Variants in LRBA observed in about 807,000 individuals in gnomAD.
LRBA encodes lipopolysaccharide-responsive and beige-like anchor protein.
LRBA carries 176 observed loss-of-function variants against 330.0 expected under a neutral mutation model. That is an observed-to-expected ratio of 0.53 (90% confidence interval 0.47 to 0.60). The LOEUF (loss-of-function observed/expected upper bound fraction) is 0.60, where lower values mean the gene tolerates loss of function less well. Among genes scored for constraint, LRBA ranks in the 20% least tolerant of loss-of-function variants. The probability of loss-of-function intolerance (pLI) is 0.00; values close to 1 mark genes in which losing one functional copy is unlikely to be tolerated. For missense variants in LRBA, 3,259 were observed against 3,444.8 expected (o/e 0.95, Z 1.35); for synonymous variants, 1,230 against 1,193.0 (o/e 1.03, Z -0.64).
chr4:150,934,988 A>G (rs1734934530), intron 2 of LRBA, among the ~76,000 whole-genome samples: 2 of 146,828 alleles, frequency 1.4e-5, no homozygotes, highest in Admixed American at 7.0e-5. Flanking sequence ...AGCCTGGGCA[A>G]CAAGAGTAAA....
At chr4:150,478,901 A>T (rs1292334433) in intron 42 of LRBA, among the ~76,000 whole-genome samples, 1 of 152,132 alleles carries the variant, frequency 6.6e-6, no homozygotes, top group Non-Finnish European at 1.5e-5. Context: ...TGTTTTAAAA[A>T]TGTATGGGTA....
At chr4:150,847,415 T>A (rs994947255) in intron 26 of LRBA, among the ~76,000 whole-genome samples, 7 of 152,200 alleles carry the variant, frequency 4.6e-5, no homozygotes, top group Admixed American at 6.5e-5. Flanking sequence ...AATTTTACAT[T>A]TAAACTAATA....
intron 36 of LRBA, among the ~76,000 whole-genome samples, chr4:150,729,761 T>C (rs1417128111): frequency 1.3e-5 from 2 of 152,158 alleles, no homozygotes; most frequent in African/African-American, 4.8e-5. Flanking sequence ...TGAGTTATAG[T>C]AACCAAAACA....
In LRBA at chr4:150,858,565, C is replaced by A. The variant is rs556980444; in HGVS notation, c.2767-5622G>T. 2.0e-5 allele frequency among the ~76,000 whole-genome samples: 3 copies of A among 152,262 alleles called. No individual in the cohort carries two copies. The South Asian group carries it at 6.2e-4, about 32-fold the overall frequency. ...GTAATTTTTGTGAGATATCTCCTTT[C>A]ATCACCCAGACTGAAGTGCAGTGGC... is the stretch of plus-strand genomic sequence containing the variant. On this transcript the variant is annotated intron_variant, in intron 22 of 56. Transcript: ENST00000651943.
rs1292822061 is a variant in LRBA, at chr4:150,373,166, T to TGAGAGA, written c.7195-23008_7195-23007insTCTCTC. On this transcript the variant is annotated intron_variant, in intron 47 of 56. Coordinates refer to ENST00000651943, the MANE Select transcript of LRBA (RefSeq NM_001364905.1). ...GTGTGTGTGTGTGTGTGTGTGTGTG[T>TGAGAGA]GTGTGTGAGAGAGAGAGAGAGAGAG... Among the ~76,000 whole-genome samples the TGAGAGA allele has an allele frequency of 1.9e-3, 227 of 122,274 alleles. 1 individual carries two copies. Among genetic ancestry groups the TGAGAGA allele is most frequent in the African/African-American group, 6.3e-3 (219 of 34,552 alleles). 80.2% of individuals were successfully genotyped at this position (122,274 alleles called of 152,430 possible).
intron 14 of LRBA, among the ~76,000 whole-genome samples, chr4:150,899,272 G>T (rs558045485): frequency 6.6e-6 from 1 of 152,294 alleles, no homozygotes; most frequent in East Asian, 1.9e-4. Context: ...AATTTAAGTT[G>T]TTACGGATGT....
intron 40 of LRBA, among the ~76,000 whole-genome samples, chr4:150,497,751 C>T (rs113829679): frequency 1.3e-5 from 2 of 152,186 alleles, no homozygotes; most frequent in African/African-American, 4.8e-5. Flanking sequence ...TGGGTGTGGA[C>T]GATGGGGCAG....
chr4:150,929,836 T>A (rs914779939), intron 2 of LRBA, among the ~76,000 whole-genome samples: 122 of 152,002 alleles, frequency 8.0e-4, no homozygotes, highest in Non-Finnish European at 2.5e-4. Flanking sequence ...TTTTTTTAAT[T>A]TAAAAATACA....
chr4:150,884,879 T>C (rs1267149240), intron 17 of LRBA, among the ~76,000 whole-genome samples: 1 of 152,088 alleles, frequency 6.6e-6, no homozygotes, highest in Non-Finnish European at 1.5e-5. Context: ...TTTAAGGACT[T>C]GTAATAAATT....
rs577551620 is a variant in LRBA, at chr4:150,913,779, G to A, written c.1161+416C>T. Among the ~76,000 whole-genome samples the A allele has an allele frequency of 2.0e-4, 31 of 152,136 alleles. 2 individuals carry two copies. The South Asian group carries it at 6.0e-3, about 30-fold the overall frequency. ...CTATCATCATAAAATGTCCTTCTTT[G>A]TCTCTTTTGACAGTTTTTGACTTAA... On this transcript the variant is annotated intron_variant, in intron 9 of 56. Coordinates refer to ENST00000651943, the MANE Select transcript of LRBA (RefSeq NM_001364905.1).
At chr4:150,690,927 CTTTTTTTTTTT>C (rs70941427) in intron 36 of LRBA, among the ~76,000 whole-genome samples, 3 of 106,328 alleles carry the variant, frequency 2.8e-5, no homozygotes, top group Non-Finnish European at 4.0e-5. Flanking sequence ...AACACCTGGT[CTTTTTTTTTTT>C]TTTTTTTTTT....
intron 40 of LRBA, among the ~76,000 whole-genome samples, chr4:150,503,687 C>A (rs111730220): frequency 6.6e-6 from 1 of 152,166 alleles, no homozygotes. Flanking sequence ...CAGAGCACCT[C>A]TCCTCCTCCA....
chr4:150,386,521 G>C (rs956550968), intron 47 of LRBA, among the ~76,000 whole-genome samples: 1 of 149,024 alleles, frequency 6.7e-6, no homozygotes, highest in Non-Finnish European at 1.5e-5. Flanking sequence ...CGTGCTATTT[G>C]GTTTTCTCTT....
chr4:150,841,191 C>T, intron 28 of LRBA: 1 of 212,148 alleles, frequency 4.7e-6, no homozygotes, highest in East Asian at 1.4e-4. Flanking sequence ...AAAATGCAAG[C>T]AAATAATTTA....
intron 52 of LRBA, 95 bp from the exon 53 acceptor site, chr4:150,302,887 C>CTGA: frequency 1.3e-6 from 1 of 795,086 alleles, no homozygotes; most frequent in East Asian, 2.9e-5. Context: ...TATATGAACT[C>CTGA]TGATGGTCAT....
At chr4:150,534,375 T>C (rs1263046613) in intron 40 of LRBA, among the ~76,000 whole-genome samples, 1 of 142,282 alleles carries the variant, frequency 7.0e-6, no homozygotes, top group African/African-American at 2.6e-5. Flanking sequence ...ATAATAATAA[T>C]AATTTTTTTT....
intron 44 of LRBA, among the ~76,000 whole-genome samples, chr4:150,462,137 A>T (rs1754854378): frequency 6.6e-6 from 1 of 151,776 alleles, no homozygotes; most frequent in Non-Finnish European, 1.5e-5. Flanking sequence ...ATATAAAATC[A>T]ATGTATGTTT....
intron 4 of LRBA, 68 bp downstream of exon 4, chr4:150,928,445 ACTT>A (rs1734110835): frequency 4.6e-6 from 4 of 865,250 alleles, no homozygotes; most frequent in Non-Finnish European, 7.5e-6. Context: ...AATATCAGTT[ACTT>A]TACAAGCTAC....
intron 44 of LRBA, among the ~76,000 whole-genome samples, chr4:150,447,106 A>G (rs1752705720): frequency 6.6e-6 from 1 of 152,224 alleles, no homozygotes; most frequent in Non-Finnish European, 1.5e-5. Flanking sequence ...AAGAAATAAA[A>G]CATAGCATAA....
Sources: gnomAD v4.1 joint callset for allele counts (sites outside exome capture counted in the v4.1 genomes callset) on GRCh38, gnomAD v4.1.1 for gene constraint, MANE v1.5 for transcripts, NCBI Gene and HGNC (gene_info 2026-07-23, HGNC 2026-07-21) for gene names.